Variants in FCF1 observed in about 807,000 individuals in gnomAD.
The protein encoded by FCF1 is FCF1 rRNA-processing protein, also known as rRNA-processing protein FCF1 homolog.
FCF1 carries 17 observed loss-of-function variants against 32.5 expected under a neutral mutation model. The observed-to-expected ratio is 0.52, with a 90% CI of 0.36 to 0.78. The LOEUF (loss-of-function observed/expected upper bound fraction) is 0.78, where lower values mean the gene tolerates loss of function less well. FCF1 is among the 30% of genes least tolerant of loss of function. The pLI is 0.00. For synonymous variants in FCF1, 84 were observed against 78.4 expected (o/e 1.07, Z -0.38); for missense variants, 201 against 241.1 (o/e 0.83, Z 1.10).
intron 5 of FCF1, among the ~76,000 whole-genome samples, chr14:74,724,369 G>A (rs921120100): frequency 3.9e-5 from 6 of 152,180 alleles, no homozygotes; most frequent in Non-Finnish European, 7.4e-5. Flanking sequence ...CTGCAGCCTC[G>A]ACCTCCTGGG....
chr14:74,716,052 C>A lies in FCF1; in HGVS notation c.245C>A (p.Ala82Asp). The A allele has an allele frequency of 1.2e-6, 2 of 1,613,954 alleles. No individual in the cohort carries two copies. The highest frequency in any genetic ancestry group is 1.7e-6 in the Non-Finnish European group (2 of 1,179,878). ...AACTTTATCAACTTTTCCATAAAAG[C>A]CAAACTGGACTTAGTGCAGTCAATG... ...DTNFINFSIK[A>D]KLDLVQSMMD... The change falls in exon 4 of 8, where the codon GCC becomes GAC. Residue 82 changes from alanine (A) to aspartate (D), a missense_variant. Ala to Asp is a moderately radical substitution (Grantham distance 126). Coordinates refer to ENST00000341162, the MANE Select transcript of FCF1 (RefSeq NM_015962.5).
chr14:74,719,912 G>A (rs573639431), intron 4 of FCF1, among the ~76,000 whole-genome samples: 25 of 152,184 alleles, frequency 1.6e-4, no homozygotes, highest in African/African-American at 5.5e-4. Context: ...GCCGAAGCAC[G>A]CGGACTACCT....
At chr14:74,730,016 C>G (rs374627652) in intron 5 of FCF1, among the ~76,000 whole-genome samples, 2 of 152,088 alleles carry the variant, frequency 1.3e-5, no homozygotes, top group East Asian at 3.9e-4. Flanking sequence ...GAGAGCTTTA[C>G]TTCCAAGTAT....
Position 74,733,178 on chromosome 14 carries a change from G to A in FCF1, c.453+360G>A, listed in dbSNP as rs77499164. Among the ~76,000 whole-genome samples the A allele has an allele frequency of 2.1e-3, 322 of 152,250 alleles. 2 individuals are homozygous for A. The highest frequency in any genetic ancestry group is 7.2e-3 in the African/African-American group (298 of 41,552). On this transcript the variant is annotated intron_variant, in intron 6 of 7. Transcript: ENST00000341162. ...GTTAATGTAGAACCCATTTATTTTTGATGTAGGAATTTTGTTCCTCTTCAC... is the reference window on the plus strand; with the variant it reads ...GTTAATGTAGAACCCATTTATTTTTAATGTAGGAATTTTGTTCCTCTTCAC...
chr14:74,727,453 T>G (rs924535567), intron 5 of FCF1, among the ~76,000 whole-genome samples: 5 of 152,044 alleles, frequency 3.3e-5, no homozygotes, highest in African/African-American at 9.7e-5. Flanking sequence ...TTGATGGGGT[T>G]GTTTGTTTTT....
rs2090711475 is a variant in FCF1, at chr14:74,736,699, T to TG, written c.*1770dup. 6.6e-6 allele frequency: 1 copy of TG among 152,226 alleles called. No individual in the cohort carries two copies. The highest frequency in any genetic ancestry group is 2.4e-5 in the African/African-American group (1 of 41,456). 9.4% of individuals were successfully genotyped at this position (152,226 alleles called of 1,614,324 possible). On this transcript the variant is annotated 3_prime_UTR_variant, in exon 8 of 8. Coordinates refer to ENST00000341162, the MANE Select transcript of FCF1 (RefSeq NM_015962.5). ...TCAATTTACAATAAAAAATTTTTGTTGCGTCTTTTTAGAAATCAGATATTC... is the reference window on the plus strand; with the variant it reads ...TCAATTTACAATAAAAAATTTTTGTTGGCGTCTTTTTAGAAATCAGATATTC...
intron 3 of FCF1, 26 bp from the exon 4 acceptor site, chr14:74,715,925 T>G (rs2090412379): frequency 1.2e-6 from 2 of 1,611,966 alleles, no homozygotes; most frequent in Admixed American, 3.4e-5. Context: ...AAATTTTTCT[T>G]TGTTCTTGTT....
chr14:74,723,395 A>T (rs1476312451), intron 5 of FCF1, 51 bp downstream of exon 5: 1 of 1,287,702 alleles, frequency 7.8e-7, no homozygotes. Context: ...CTGAAGATTC[A>T]TCTGTTTGTT....
At chr14:74,731,608 C>T (rs1394801069) in intron 5 of FCF1, among the ~76,000 whole-genome samples, 1 of 152,168 alleles carries the variant, frequency 6.6e-6, no homozygotes, top group Non-Finnish European at 1.5e-5. Flanking sequence ...AAACACTCTG[C>T]CCCCAGCCAG....
chr14:74,715,777 G>A, intron 3 of FCF1, 174 bp from the exon 4 acceptor site: 4 of 1,466,260 alleles, frequency 2.7e-6, no homozygotes, highest in Non-Finnish European at 2.8e-6. Flanking sequence ...GGGGAGCTGA[G>A]ATTAAGATAA....
At chr14:74,730,842 A>C (rs781660588) in intron 5 of FCF1, among the ~76,000 whole-genome samples, 2 of 152,076 alleles carry the variant, frequency 1.3e-5, no homozygotes, top group Non-Finnish European at 2.9e-5. Flanking sequence ...TCTCCTAAAA[A>C]TACAAAATTA....
Position 74,714,870 on chromosome 14 carries a change from A to G in FCF1, c.72-2A>G. On this transcript the variant is annotated splice_acceptor_variant, in intron 2 of 7. Transcript: ENST00000341162. LOFTEE classifies it high-confidence loss of function. Reference sequence around the variant, plus strand: ...GGATTTAATTTACCTTTTTCTTCCTAGTAAAGAAAAGGATAGATTAAAACC... The same window carrying G: ...GGATTTAATTTACCTTTTTCTTCCTGGTAAAGAAAAGGATAGATTAAAACC... 1.3e-6 allele frequency: 2 copies of G among 1,564,882 alleles called. No individual in the cohort carries two copies. The highest frequency in any genetic ancestry group is 1.7e-6 in the Non-Finnish European group (2 of 1,158,912).
chr14:74,714,752 C>A (rs2090391720), intron 2 of FCF1, 120 bp from the exon 3 acceptor site: 3 of 1,335,458 alleles, frequency 2.2e-6, no homozygotes, highest in African/African-American at 1.5e-5. Flanking sequence ...ATGAGGATAT[C>A]ACAAAGTAGG....
chr14:74,728,724 T>G (rs1279294099), intron 5 of FCF1, among the ~76,000 whole-genome samples: 1 of 152,202 alleles, frequency 6.6e-6, no homozygotes, highest in African/African-American at 2.4e-5. Context: ...TTCAGTATGA[T>G]ATTGGCTATG....
chr14:74,725,144 A>C (rs535610884), intron 5 of FCF1, among the ~76,000 whole-genome samples: 1 of 151,958 alleles, frequency 6.6e-6, no homozygotes, highest in Non-Finnish European at 1.5e-5. Flanking sequence ...GCATCTTCTT[A>C]TGTACGTAAT....
chr14:74,723,761 G>T (rs1261076093), intron 5 of FCF1, among the ~76,000 whole-genome samples: 3 of 150,586 alleles, frequency 2.0e-5, no homozygotes, highest in African/African-American at 7.3e-5. Context: ...CTAGGAGGCG[G>T]AGGTTGCAGT....
At position 74,735,066 on chromosome 14, in the gene FCF1, G is replaced by A; in HGVS notation, c.*136G>A. 1.4e-6 allele frequency: 1 copy of A among 712,408 alleles called. No individual in the cohort carries two copies. The allele number at this position is 712,408 out of a possible 1,614,324, so 44.1% of individuals were successfully genotyped here. A position where few individuals can be genotyped will look rare whatever the true frequency, so the allele number is the denominator to read the frequency against. Reference sequence around the variant, plus strand: ...TCAGGGAGATATTTATTATTTAGGTGCACCAGCCCAGTCAGATTAACATCC... The same window carrying A: ...TCAGGGAGATATTTATTATTTAGGTACACCAGCCCAGTCAGATTAACATCC... On this transcript the variant is annotated 3_prime_UTR_variant, in exon 8 of 8. Coordinates refer to ENST00000341162, the MANE Select transcript of FCF1 (RefSeq NM_015962.5).
chr14:74,724,830 A>G (rs1344856965), intron 5 of FCF1, among the ~76,000 whole-genome samples: 1 of 152,122 alleles, frequency 6.6e-6, no homozygotes, highest in African/African-American at 2.4e-5. Flanking sequence ...GCTTGAGCCC[A>G]GGAGGCAGAG....
Position 74,732,728 on chromosome 14 carries a change from C to T in FCF1, c.366-3C>T. The T allele has an allele frequency of 6.2e-7, 1 of 1,603,878 alleles. No individual in the cohort carries two copies. The highest frequency in any genetic ancestry group is 8.5e-7 in the Non-Finnish European group (1 of 1,172,316). On this transcript the variant is annotated splice_polypyrimidine_tract_variant and splice_region_variant and intron_variant, in intron 5 of 7. Coordinates refer to ENST00000341162, the MANE Select transcript of FCF1 (RefSeq NM_015962.5). ...TTGAATGTTTTCTTTAATCCACCTACAGGATTGCCAAGGATCCAAGATTTG... is the reference window on the plus strand; with the variant it reads ...TTGAATGTTTTCTTTAATCCACCTATAGGATTGCCAAGGATCCAAGATTTG...
Sources: gnomAD v4.1 joint callset for allele counts (sites outside exome capture counted in the v4.1 genomes callset) on GRCh38, gnomAD v4.1.1 for gene constraint, MANE v1.5 for transcripts, NCBI Gene and HGNC (gene_info 2026-07-23, HGNC 2026-07-21) for gene names.